The following IL34 variants were observed in gnomAD, a reference collection of about 807,000 sequenced individuals.
IL34 encodes the protein interleukin-34.
In IL34, 17 loss-of-function variants were observed where a neutral mutation model predicts 25.3. That is an observed-to-expected ratio of 0.67 (90% CI 0.46 to 1.01). IL34 has a LOEUF of 1.01. Among genes scored for constraint, IL34 ranks in the 50% least tolerant of loss-of-function variants. The probability of loss-of-function intolerance (pLI) is 0.00; values close to 1 mark genes in which losing one functional copy is unlikely to be tolerated. For missense variants in IL34, 368 were observed against 312.9 expected (o/e 1.18, Z -1.33); for synonymous variants, 174 against 140.9 (o/e 1.23, Z -1.66).
intron 1 of IL34, among the ~76,000 whole-genome samples, chr16:70,635,626 G>A (rs540683533): frequency 6.6e-6 from 1 of 152,116 alleles, no homozygotes. Flanking sequence ...CCATTGACTG[G>A]TCCCACGCTG....
At chr16:70,624,048 C>G (rs989877409) in intron 1 of IL34, among the ~76,000 whole-genome samples, 1 of 152,050 alleles carries the variant, frequency 6.6e-6, no homozygotes, top group African/African-American at 2.4e-5. Flanking sequence ...CAGGCAGCGT[C>G]AGTCTTCAGC....
At chr16:70,597,239 G>C (rs753182779) in intron 1 of IL34, among the ~76,000 whole-genome samples, 195 of 150,356 alleles carry the variant, frequency 1.3e-3, no homozygotes, top group Non-Finnish European at 2.1e-3. Flanking sequence ...TTTTTTTTTG[G>C]AGACAGTGTC....
chr16:70,652,680 G>C (rs190344038), intron 1 of IL34, among the ~76,000 whole-genome samples: 123 of 151,798 alleles, frequency 8.1e-4, no homozygotes, highest in South Asian at 1.5e-3. Flanking sequence ...ATGCTGCTCT[G>C]TACATCTTTG....
intron 1 of IL34, among the ~76,000 whole-genome samples, chr16:70,638,434 CA>C (rs141709731): frequency 1.1e-3 from 149 of 141,432 alleles, no homozygotes; most frequent in African/African-American, 2.8e-3. Context: ...AAGATCCTAT[CA>C]AAAAAAAAAA....
At chr16:70,583,100 G>A (rs1324198420) in intron 1 of IL34, among the ~76,000 whole-genome samples, 1 of 152,068 alleles carries the variant, frequency 6.6e-6, no homozygotes, top group Admixed American at 6.6e-5. Flanking sequence ...CAATGACAAG[G>A]AGTTTTTTGT....
intron 1 of IL34, among the ~76,000 whole-genome samples, chr16:70,650,803 C>T (rs1263022907): frequency 6.6e-6 from 1 of 152,192 alleles, no homozygotes; most frequent in Non-Finnish European, 1.5e-5. Flanking sequence ...GCAGGACAAC[C>T]TGTGCCTTAA....
At chr16:70,605,824 C>T (rs1015592700) in intron 1 of IL34, among the ~76,000 whole-genome samples, 1 of 151,992 alleles carries the variant, frequency 6.6e-6, no homozygotes, top group Admixed American at 6.6e-5. Flanking sequence ...GTGCCCGTCA[C>T]CACGCCCACC....
At chr16:70,642,386 C>T (rs768336182), upstream of IL34, among the ~76,000 whole-genome samples, 30 of 150,894 alleles carry the variant, frequency 2.0e-4, 1 homozygote, top group Admixed American at 1.1e-3. Context: ...CAAACTTTGC[C>T]CTCTGAGTTC....
At position 70,647,101 on chromosome 16, in the gene IL34, G is replaced by A. The variant is rs531920606; in HGVS notation, c.28+126G>A. On this transcript the variant is annotated intron_variant, in intron 1 of 5. Coordinates refer to ENST00000288098, the MANE Select transcript of IL34 (RefSeq NM_001393494.1). ...AGTTGCGATGCTTCCCAGCCGGACTGCAGACACCCTCTGAGATTCCCACGG... is the reference window on the plus strand; with the variant it reads ...AGTTGCGATGCTTCCCAGCCGGACTACAGACACCCTCTGAGATTCCCACGG... 18 of 846,002 alleles carry A rather than the reference G, an allele frequency of 2.1e-5. 1 individual carries two copies. In the South Asian group the frequency reaches 3.7e-4, roughly 17 times the overall value. 52.4% of individuals were successfully genotyped at this position (846,002 alleles called of 1,614,324 possible).
chr16:70,606,217 C>T (rs562328697), intron 1 of IL34, among the ~76,000 whole-genome samples: 26 of 151,572 alleles, frequency 1.7e-4, no homozygotes, highest in African/African-American at 3.4e-4. Flanking sequence ...GGCAACATGG[C>T]GAAACCCCGT....
At chr16:70,605,203 T>C (rs554265553) in intron 1 of IL34, among the ~76,000 whole-genome samples, 1 of 152,266 alleles carries the variant, frequency 6.6e-6, no homozygotes, top group Admixed American at 6.5e-5. Context: ...GGGAAGGCTG[T>C]CTGTCCTATG....
At chr16:70,633,434 T>C (rs763910723) in intron 1 of IL34, among the ~76,000 whole-genome samples, 7 of 151,670 alleles carry the variant, frequency 4.6e-5, no homozygotes, top group Non-Finnish European at 8.8e-5. Flanking sequence ...AAAAAAATTA[T>C]TATTTTTTTC....
At chr16:70,597,085 C>G (rs2050834030) in intron 1 of IL34, among the ~76,000 whole-genome samples, 1 of 152,180 alleles carries the variant, frequency 6.6e-6, no homozygotes, top group Non-Finnish European at 1.5e-5. Flanking sequence ...TCCTAGTGAA[C>G]TGAGCCCCTT....
chr16:70,627,574 T>C (rs1372235570), intron 1 of IL34, among the ~76,000 whole-genome samples: 1 of 151,934 alleles, frequency 6.6e-6, no homozygotes, highest in Admixed American at 6.6e-5. Context: ...CTCTGTCTCC[T>C]GGACTCAAGC....
intron 1 of IL34, among the ~76,000 whole-genome samples, chr16:70,605,579 A>G (rs1252535885): frequency 2.6e-5 from 4 of 152,132 alleles, no homozygotes; most frequent in Admixed American, 2.6e-4. Context: ...CCTTTTCTAG[A>G]TACCTCAGTT....
At chr16:70,602,712 A>G (rs533483554) in intron 1 of IL34, among the ~76,000 whole-genome samples, 2 of 151,800 alleles carry the variant, frequency 1.3e-5, no homozygotes, top group Non-Finnish European at 2.9e-5. Context: ...TTAACTAATT[A>G]TTTAATTTTT....
rs144348524 is a variant in IL34, at chr16:70,593,758, C to G, written c.-401+13709C>G. Among the ~76,000 whole-genome samples, 939 of 152,216 alleles carry G rather than the reference C, an allele frequency of 6.2e-3. 14 individuals are homozygous for G. Among genetic ancestry groups the G allele is most frequent in the African/African-American group, 0.021 (886 of 41,522 alleles). ...CCCAGCCTGATCTCAGACTCCTGCC[C>G]TCAAGCAATCCTCCTGCTTTAGCTT... On this transcript the variant is annotated intron_variant, in intron 1 of 6. Transcript: ENST00000429149.
At chr16:70,618,849 C>T (rs1362997175) in intron 1 of IL34, among the ~76,000 whole-genome samples, 5 of 152,112 alleles carry the variant, frequency 3.3e-5, no homozygotes, top group African/African-American at 9.7e-5. Flanking sequence ...TGCAGCAGTA[C>T]AGCCTAGGTA....
intron 1 of IL34, among the ~76,000 whole-genome samples, chr16:70,613,409 C>T (rs2051121270): frequency 6.6e-6 from 1 of 152,172 alleles, no homozygotes; most frequent in Non-Finnish European, 1.5e-5. Flanking sequence ...TGGATGGGGC[C>T]TCACCTGGTC....
Sources: gnomAD v4.1 joint callset for allele counts (sites outside exome capture counted in the v4.1 genomes callset) on GRCh38, gnomAD v4.1.1 for gene constraint, MANE v1.5 for transcripts, NCBI Gene and HGNC (gene_info 2026-07-23, HGNC 2026-07-21) for gene names.